Variants in SASH1 observed in about 807,000 individuals in gnomAD.
SASH1 encodes SAM and SH3 domain-containing protein 1.
SASH1 carries 44 observed loss-of-function variants against 125.2 expected under a neutral mutation model. The observed-to-expected ratio is 0.35, with a 90% CI of 0.28 to 0.45. SASH1 has a LOEUF of 0.45. Among genes scored for constraint, SASH1 ranks in the 20% least tolerant of loss-of-function variants. SASH1 has a pLI of 1.00. For synonymous variants in SASH1, 639 were observed against 649.1 expected (o/e 0.98, Z 0.24); for missense variants, 1,426 against 1,614.5 (o/e 0.88, Z 2.00).
Position 148,532,880 on chromosome 6 carries a change from C to A in SASH1, c.1648C>A (p.Pro550Thr). The part of the protein sequence containing the change: ...KSEDGDDEEP[P>T]YRGPFCGRAR... ...GGAAGATGGGGATGACGAAGAGCCG[C>A]CTTACCGAGGCCCGTTCTGCGGGCG... The change falls in exon 14 of 20, where the codon CCT becomes ACT. Residue 550 changes from proline (P) to threonine (T), a missense_variant. Coordinates refer to ENST00000367467, the MANE Select transcript of SASH1 (RefSeq NM_015278.5). The surrounding 1 kb of genome is among the most constrained non-coding windows in gnomAD (Gnocchi z 4.7). 1 of 1,614,234 alleles carries A rather than the reference C, an allele frequency of 6.2e-7. No homozygotes were observed. The highest frequency in any genetic ancestry group is 8.5e-7 in the Non-Finnish European group (1 of 1,180,048).
intron 4 of SASH1, among the ~76,000 whole-genome samples, chr6:148,448,149 T>TGTGC (rs1473461940): frequency 1.3e-5 from 2 of 151,874 alleles, no homozygotes; most frequent in Non-Finnish European, 1.5e-5. Context: ...TATGTGTGTG[T>TGTGC]GTGCGTGCGT....
the SASH1 span, among the ~76,000 whole-genome samples, chr6:148,212,531 G>T: frequency 1.3e-5 from 2 of 152,198 alleles, no homozygotes; most frequent in African/African-American, 4.8e-5. Flanking sequence ...AAGGCTGTCT[G>T]TAATCTTCAT....
chr6:148,226,400 G>T, the SASH1 span, among the ~76,000 whole-genome samples: 1 of 152,084 alleles, frequency 6.6e-6, no homozygotes, highest in Non-Finnish European at 1.5e-5. Flanking sequence ...AATGGAGTGG[G>T]GAGGTAATGC....
chr6:148,360,643 C>CCT (rs1554242964), intron 1 of SASH1, among the ~76,000 whole-genome samples: 1 of 146,894 alleles, frequency 6.8e-6, no homozygotes, highest in African/African-American at 2.5e-5. Flanking sequence ...GCCACCCCCC[C>CCT]GCCAGGCTTT....
chr6:148,441,044 C>T (rs532038512), intron 4 of SASH1, among the ~76,000 whole-genome samples: 3 of 152,220 alleles, frequency 2.0e-5, no homozygotes, highest in African/African-American at 7.2e-5. Flanking sequence ...AATCTTTTTT[C>T]TAAAACCTTT....
chr6:148,471,274 T>C (rs1348457592), intron 5 of SASH1, 143 bp from the exon 6 acceptor site: 1 of 613,488 alleles, frequency 1.6e-6, no homozygotes. Flanking sequence ...TTTCACTAAC[T>C]GAAAGAAAAA....
chr6:148,367,666 T>C (rs929956262), intron 1 of SASH1, among the ~76,000 whole-genome samples: 1 of 152,268 alleles, frequency 6.6e-6, no homozygotes, highest in African/African-American at 2.4e-5. Flanking sequence ...CTATGCTTCC[T>C]AGTCTGTGAG....
intron 4 of SASH1, among the ~76,000 whole-genome samples, chr6:148,460,988 A>C (rs1777587039): frequency 6.6e-6 from 1 of 152,240 alleles, no homozygotes; most frequent in African/African-American, 2.4e-5. Flanking sequence ...AGTCTGCTGG[A>C]GAAGACTAAG....
intron 1 of SASH1, among the ~76,000 whole-genome samples, chr6:148,344,344 A>G (rs1285248314): frequency 6.6e-6 from 1 of 152,222 alleles, no homozygotes; most frequent in Non-Finnish European, 1.5e-5. Context: ...AGCAGACTGT[A>G]TAGCATATAG....
rs192841051 is a variant in SASH1 at position 148,548,281 on chromosome 6, C to T, written c.3481-14C>T. On this transcript the variant is annotated splice_polypyrimidine_tract_variant and intron_variant, in intron 19 of 19. Coordinates refer to ENST00000367467, the MANE Select transcript of SASH1 (RefSeq NM_015278.5). ...ATGGAGCGTTTCTATCATATTCTTT[C>T]TTAATTTATCCAGATTCCAAGTGGT... The T allele has an allele frequency of 1.3e-6, 2 of 1,599,148 alleles. No individual in the cohort carries two copies. The highest frequency in any genetic ancestry group is 2.2e-5 in the East Asian group (1 of 44,736).
intron 1 of SASH1, among the ~76,000 whole-genome samples, chr6:148,377,159 G>T (rs1272672899): frequency 8.5e-6 from 1 of 117,068 alleles, no homozygotes. Flanking sequence ...GACAGAGCGA[G>T]ACTCCGTCTC....
At chr6:148,331,327 T>TTTTG (rs200103945) in intron 1 of SASH1, among the ~76,000 whole-genome samples, 3,065 of 152,130 alleles carry the variant, frequency 0.02, 95 homozygotes, top group African/African-American at 0.07. Flanking sequence ...GAACTTGTGT[T>TTTTG]TTTGTTTGTT....
chr6:148,227,858 T>C, the SASH1 span, among the ~76,000 whole-genome samples: 1 of 152,196 alleles, frequency 6.6e-6, no homozygotes. Flanking sequence ...AAGGTGGTTC[T>C]GTGACATGGT....
At chr6:148,412,206 T>G (rs1474090826) in intron 2 of SASH1, among the ~76,000 whole-genome samples, 1 of 152,230 alleles carries the variant, frequency 6.6e-6, no homozygotes, top group Non-Finnish European at 1.5e-5. Flanking sequence ...TTGAGAAATT[T>G]ATGGTTCACT....
At chr6:148,197,541 C>T in the SASH1 span, among the ~76,000 whole-genome samples, 1 of 152,224 alleles carries the variant, frequency 6.6e-6, no homozygotes, top group Non-Finnish European at 1.5e-5. Context: ...CAAAATTTCT[C>T]TTGCAGGCCA....
the SASH1 span, among the ~76,000 whole-genome samples, chr6:148,238,365 A>G: frequency 6.6e-6 from 1 of 152,102 alleles, no homozygotes; most frequent in Non-Finnish European, 1.5e-5. Flanking sequence ...CTGGAATTAC[A>G]GGCATGCGCC....
At chr6:148,428,027 T>C (rs914741494) in intron 2 of SASH1, among the ~76,000 whole-genome samples, 1 of 152,216 alleles carries the variant, frequency 6.6e-6, no homozygotes. Context: ...AAATTTTTAC[T>C]CAGAGAAAGA....
At chr6:148,546,833 G>A (rs539677995) in intron 19 of SASH1, among the ~76,000 whole-genome samples, 5 of 151,796 alleles carry the variant, frequency 3.3e-5, no homozygotes, top group South Asian at 2.1e-4. Flanking sequence ...GTATAGTACC[G>A]AAACCTGATT....
At chr6:148,424,925 G>GT (rs1394611032) in intron 2 of SASH1, among the ~76,000 whole-genome samples, 1 of 152,222 alleles carries the variant, frequency 6.6e-6, no homozygotes, top group African/African-American at 2.4e-5. Flanking sequence ...AGCAATCTGT[G>GT]TTTAAGAAGC....
Sources: allele counts gnomAD v4.1 joint callset (sites outside exome capture counted in the v4.1 genomes callset), GRCh38; gene constraint gnomAD v4.1.1; non-coding constraint Gnocchi (gnomAD v3.1); transcripts MANE v1.5; gene names NCBI Gene and HGNC (gene_info 2026-07-23, HGNC 2026-07-21).